The following CLDN14 variants were observed in gnomAD, a reference collection of about 807,000 sequenced individuals.
CLDN14 encodes claudin-14.
A neutral mutation model predicts 2.1 loss-of-function variants in CLDN14; 2 were observed. The observed-to-expected ratio is 0.96, with a 90% CI of 0.39 to 3.01. The LOEUF (loss-of-function observed/expected upper bound fraction) is 3.01, where lower values mean the gene tolerates loss of function less well. Ranked by LOEUF, CLDN14 falls within the 30% of genes most tolerant of loss-of-function variation. The pLI is 0.09. For synonymous variants in CLDN14, 136 were observed against 154.4 expected, an observed-to-expected ratio of 0.88 and a Z score of 0.88; for missense variants, 298 against 328.0, an observed-to-expected ratio of 0.91 and a Z score of 0.71.
intron 1 of CLDN14, among the ~76,000 whole-genome samples, chr21:36,573,977 G>A (rs1040448239): frequency 3.9e-5 from 6 of 152,102 alleles, no homozygotes; most frequent in African/African-American, 9.7e-5. Context: ...TTGTTAAGAT[G>A]TCTTAAACTT....
At chr21:36,552,412 G>A (rs182182540) in intron 1 of CLDN14, among the ~76,000 whole-genome samples, 133 of 152,254 alleles carry the variant, frequency 8.7e-4, no homozygotes, top group African/African-American at 2.6e-3. Flanking sequence ...CATGTTGAGC[G>A]GGCACACTTA....
At chr21:36,556,131 G>C (rs376986544) in intron 1 of CLDN14, among the ~76,000 whole-genome samples, 1 of 152,034 alleles carries the variant, frequency 6.6e-6, no homozygotes, top group African/African-American at 2.4e-5. Context: ...AGCTCACCTC[G>C]GGGACCCTTT....
chr21:36,510,884 C>T (rs1273542062), intron 1 of CLDN14, among the ~76,000 whole-genome samples: 1 of 152,184 alleles, frequency 6.6e-6, no homozygotes, highest in Non-Finnish European at 1.5e-5. Flanking sequence ...GTACAGTAGC[C>T]CTTAGCAAAA....
chr21:36,575,422 G>C (rs529152768), intron 1 of CLDN14, among the ~76,000 whole-genome samples: 1 of 152,292 alleles, frequency 6.6e-6, no homozygotes, highest in South Asian at 2.1e-4. Flanking sequence ...TTACAGATGA[G>C]GAAACAGAGG....
At chr21:36,471,631 A>G (rs1171501765) in intron 1 of CLDN14, among the ~76,000 whole-genome samples, 1 of 152,250 alleles carries the variant, frequency 6.6e-6, no homozygotes, top group Non-Finnish European at 1.5e-5. Context: ...CTGAAGCTTT[A>G]CCTTGGAAAT....
At chr21:36,536,459 T>C (rs1440825732) in intron 1 of CLDN14, among the ~76,000 whole-genome samples, 6 of 152,268 alleles carry the variant, frequency 3.9e-5, no homozygotes, top group Admixed American at 3.9e-4. Flanking sequence ...AATGAAAATG[T>C]TCCGACATTA....
chr21:36,464,291 A>G (rs2086617975), intron 1 of CLDN14, among the ~76,000 whole-genome samples: 1 of 152,188 alleles, frequency 6.6e-6, no homozygotes, highest in Admixed American at 6.5e-5. Flanking sequence ...GTGAGAGCCA[A>G]TGAAACCTCT....
intron 1 of CLDN14, among the ~76,000 whole-genome samples, chr21:36,556,784 C>T (rs560258506): frequency 1.3e-5 from 2 of 152,216 alleles, no homozygotes; most frequent in Non-Finnish European, 2.9e-5. Flanking sequence ...TTCTCTCTCT[C>T]TATCTTTTGG....
intron 1 of CLDN14, among the ~76,000 whole-genome samples, chr21:36,463,718 TAAATA>T (rs2086609568): frequency 1.3e-5 from 2 of 151,796 alleles, no homozygotes; most frequent in Admixed American, 6.6e-5. Context: ...TCTTGAAAAA[TAAATA>T]AAATAAAATG....
intron 2 of CLDN14, among the ~76,000 whole-genome samples, chr21:36,494,211 G>A (rs2086994814): frequency 2.6e-5 from 4 of 152,186 alleles, no homozygotes; most frequent in Admixed American, 2.6e-4. Context: ...CTGCACACTG[G>A]TCGCCATGTA....
chr21:36,554,272 A>G (rs2087583249), intron 1 of CLDN14, among the ~76,000 whole-genome samples: 2 of 152,160 alleles, frequency 1.3e-5, no homozygotes, highest in Admixed American at 1.3e-4. Flanking sequence ...AATTCCCACA[A>G]GGAAGCAGCT....
At chr21:36,464,027 G>A (rs1313893628) in intron 1 of CLDN14, among the ~76,000 whole-genome samples, 2 of 152,164 alleles carry the variant, frequency 1.3e-5, no homozygotes, top group Non-Finnish European at 2.9e-5. Context: ...ATCTCATGTC[G>A]AATGGCAGTC....
intron 1 of CLDN14, among the ~76,000 whole-genome samples, chr21:36,535,241 T>C (rs572833168): frequency 2.6e-5 from 4 of 152,086 alleles, no homozygotes; most frequent in Admixed American, 6.6e-5. Flanking sequence ...AATACAAAAA[T>C]TAGCTGGGGG....
At chr21:36,523,840 A>T (rs940903667) in intron 1 of CLDN14, among the ~76,000 whole-genome samples, 9 of 145,742 alleles carry the variant, frequency 6.2e-5, no homozygotes, top group African/African-American at 2.0e-4. Flanking sequence ...AGAAAGAAAG[A>T]AAGTGGATTC....
intron 1 of CLDN14, among the ~76,000 whole-genome samples, chr21:36,538,724 T>G (rs1016414067): frequency 5.3e-5 from 8 of 151,748 alleles, no homozygotes; most frequent in Non-Finnish European, 8.8e-5. Context: ...ATCAGGATGC[T>G]GCAGTGCTCC....
At chr21:36,530,839 G>C (rs1486806960) in intron 1 of CLDN14, among the ~76,000 whole-genome samples, 1 of 152,166 alleles carries the variant, frequency 6.6e-6, no homozygotes, top group Non-Finnish European at 1.5e-5. Flanking sequence ...AAGAAAGAAG[G>C]CTCTAAGACA....
At chr21:36,555,533 G>A (rs1339083463) in intron 1 of CLDN14, among the ~76,000 whole-genome samples, 2 of 152,224 alleles carry the variant, frequency 1.3e-5, no homozygotes, top group Non-Finnish European at 2.9e-5. Context: ...ACCAAAGAGT[G>A]CAGGAGCCCA....
At chr21:36,486,641 G>A in intron 2 of CLDN14, 1 of 1,519,316 alleles carries the variant, frequency 6.6e-7, no homozygotes, top group Non-Finnish European at 9.1e-7. Flanking sequence ...TACAAAGGCT[G>A]TCAGCTTTTC....
At chr21:36,515,929 G>A (rs1276677448) in intron 1 of CLDN14, among the ~76,000 whole-genome samples, 1 of 151,638 alleles carries the variant, frequency 6.6e-6, no homozygotes, top group African/African-American at 2.4e-5. Flanking sequence ...TGGGATTACA[G>A]GTGTGCACCA....
Sources: allele counts gnomAD v4.1 joint callset (sites outside exome capture counted in the v4.1 genomes callset), GRCh38; gene constraint gnomAD v4.1.1; transcripts MANE v1.5; gene names NCBI Gene and HGNC (gene_info 2026-07-23, HGNC 2026-07-21).